Variants in NEDD4 observed in about 807,000 individuals in gnomAD.
NEDD4 encodes the protein NEDD4 E3 ubiquitin protein ligase, also known as E3 ubiquitin-protein ligase NEDD4.
Under a neutral mutation model 144.9 loss-of-function variants are expected in NEDD4, and 99 were observed. The ratio of observed to expected loss-of-function variants is 0.68; its 90% confidence interval spans 0.58 to 0.81. The LOEUF is 0.81. NEDD4 is among the 30% of genes least tolerant of loss of function. The pLI is 0.00. For missense variants in NEDD4, 985 were observed against 1,065.9 expected, an observed-to-expected ratio of 0.92 and a Z score of 1.06; for synonymous variants, 318 against 350.6, an observed-to-expected ratio of 0.91 and a Z score of 1.04.
In NEDD4 at chr15:55,852,464, T is replaced by C; in HGVS notation, c.1106A>G (p.His369Arg). 1 of 1,612,948 alleles carries C rather than the reference T, an allele frequency of 6.2e-7. No individual in the cohort carries two copies. The highest frequency in any genetic ancestry group is 8.5e-7 in the Non-Finnish European group (1 of 1,179,400). ...TGTCCAAGTAGTCGTTCTGGAATTGTGATCTACATAATATGATCTTCCTCT... is the reference window on the plus strand; with the variant it reads ...TGTCCAAGTAGTCGTTCTGGAATTGCGATCTACATAATATGATCTTCCTCT... ...DERGRSYYVD[H>R]NSRTTTWTKP... The change falls in exon 13 of 29, where the codon CAC becomes CGC. Residue 369 changes from histidine (H) to arginine (R), a missense_variant. Transcript: ENST00000435532.
At chr15:55,903,107 C>T (rs2035963398) in intron 5 of NEDD4, among the ~76,000 whole-genome samples, 1 of 152,096 alleles carries the variant, frequency 6.6e-6, no homozygotes, top group Non-Finnish European at 1.5e-5. Context: ...CAACAATGGC[C>T]ATAAGAAAAC....
At chr15:55,838,656 A>G in intron 21 of NEDD4, 52 bp from the exon 22 acceptor site, 1 of 1,275,060 alleles carries the variant, frequency 7.8e-7, no homozygotes, top group Admixed American at 1.8e-5. Context: ...CACACCTGAA[A>G]TTGCAAAAAA....
intron 4 of NEDD4, among the ~76,000 whole-genome samples, chr15:55,947,081 C>G (rs1244639345): frequency 6.6e-6 from 1 of 152,096 alleles, no homozygotes; most frequent in Non-Finnish European, 1.5e-5. Context: ...GACACCCTAA[C>G]ATCACAATTG....
intron 4 of NEDD4, among the ~76,000 whole-genome samples, chr15:55,937,167 C>G (rs2036909892): frequency 6.6e-6 from 1 of 152,100 alleles, no homozygotes; most frequent in Admixed American, 6.6e-5. Flanking sequence ...TTCACAAAAA[C>G]TTTTTTTGAA....
At chr15:55,842,625 G>A (rs1211845014) in intron 18 of NEDD4, among the ~76,000 whole-genome samples, 11 of 152,110 alleles carry the variant, frequency 7.2e-5, no homozygotes, top group East Asian at 1.9e-4. Context: ...CAATCCTCCC[G>A]CCTTGGCCTC....
In NEDD4 at chr15:55,829,771, T is replaced by C. The variant is rs915112696; in HGVS notation, c.*126A>G. 2 of 611,624 alleles carry C rather than the reference T, an allele frequency of 3.3e-6. No homozygotes were observed. The highest frequency in any genetic ancestry group is 6.4e-5 in the Admixed American group (2 of 31,100). 37.9% of individuals were successfully genotyped at this position (611,624 alleles called of 1,614,324 possible). On this transcript the variant is annotated 3_prime_UTR_variant, in exon 29 of 29. Transcript: ENST00000435532. ...GTACTATTTCTTCAAATGCTTTTTATATGATTTTCTTCAAGATCTGGGAAG... is the reference window on the plus strand; with the variant it reads ...GTACTATTTCTTCAAATGCTTTTTACATGATTTTCTTCAAGATCTGGGAAG...
chr15:55,918,768 ATT>A (rs1161343608), intron 5 of NEDD4, among the ~76,000 whole-genome samples: 1 of 152,154 alleles, frequency 6.6e-6, no homozygotes, highest in Non-Finnish European at 1.5e-5. Context: ...TTATTATGTT[ATT>A]TTTGCTTTTG....
intron 5 of NEDD4, 157 bp downstream of exon 5, chr15:55,924,488 GA>G (rs566394709): frequency 3.1e-4 from 191 of 616,604 alleles, no homozygotes; most frequent in Non-Finnish European, 3.8e-4. Flanking sequence ...GGACCAGGAG[GA>G]AGAAAACAAA....
intron 4 of NEDD4, among the ~76,000 whole-genome samples, chr15:55,942,362 CAAAATCTCATGTCA>C (rs1483216133): frequency 2.6e-5 from 4 of 152,076 alleles, no homozygotes; most frequent in African/African-American, 4.8e-5. Context: ...ATGTCTCTGC[CAAAATCTCATGTCA>C]AATTGTAATC....
rs187073210 is a variant in NEDD4 at position 55,979,402 on chromosome 15, G to A, written c.46-12856C>T. On this transcript the variant is annotated intron_variant, in intron 1 of 28. Transcript: ENST00000435532. ...CGCTCTGTCGCCCAGGCCGGACTGCGGACTGCAGTGGCGCAATCTCGGCTC... is the reference window on the plus strand; with the variant it reads ...CGCTCTGTCGCCCAGGCCGGACTGCAGACTGCAGTGGCGCAATCTCGGCTC... 9.4e-3 allele frequency among the ~76,000 whole-genome samples: 1,291 copies of A among 137,670 alleles called. 25 individuals carry two copies. The highest frequency in any genetic ancestry group is 0.033 in the African/African-American group (1,229 of 36,712). The allele number at this position is 137,670 out of a possible 152,430, so 90.3% of individuals were successfully genotyped here.
chr15:55,951,283 A>G (rs965484922), intron 4 of NEDD4, 93 bp downstream of exon 4: 3 of 591,048 alleles, frequency 5.1e-6, no homozygotes, highest in Non-Finnish European at 5.7e-6. Flanking sequence ...TCTGAGATAC[A>G]TCTTCAAATA....
chr15:55,916,732 A>C (rs1200810071), intron 5 of NEDD4: 1 of 1,613,940 alleles, frequency 6.2e-7, no homozygotes, highest in Non-Finnish European at 8.5e-7. Flanking sequence ...CTTTTGAAGC[A>C]CATGTGAACA....
intron 17 of NEDD4, among the ~76,000 whole-genome samples, chr15:55,847,242 T>C (rs755087896): frequency 3.9e-5 from 6 of 152,246 alleles, no homozygotes; most frequent in African/African-American, 1.4e-4. Context: ...CAGCAATTCC[T>C]ATGGCTGTAA....
intron 4 of NEDD4, among the ~76,000 whole-genome samples, chr15:55,942,235 T>C (rs2037021001): frequency 6.6e-6 from 1 of 152,218 alleles, no homozygotes; most frequent in Non-Finnish European, 1.5e-5. Context: ...TTTATAATCA[T>C]GAAATGCCCT....
chr15:55,931,303 G>T (rs1229315828), intron 4 of NEDD4, among the ~76,000 whole-genome samples: 1 of 152,104 alleles, frequency 6.6e-6, no homozygotes, highest in Non-Finnish European at 1.5e-5. Context: ...GTAACAAACA[G>T]AAACAGTTAA....
At chr15:55,948,510 A>C (rs2037168158) in intron 4 of NEDD4, among the ~76,000 whole-genome samples, 2 of 152,222 alleles carry the variant, frequency 1.3e-5, no homozygotes, top group Non-Finnish European at 2.9e-5. Flanking sequence ...ATCCTAAGCA[A>C]AAAGAACAAA....
chr15:55,979,912 T>C (rs1422734313), intron 1 of NEDD4, among the ~76,000 whole-genome samples: 10 of 149,694 alleles, frequency 6.7e-5, no homozygotes, highest in Non-Finnish European at 3.0e-5. Context: ...TAATTATAAT[T>C]ATTACTTTTT....
intron 5 of NEDD4, among the ~76,000 whole-genome samples, chr15:55,898,369 C>T (rs2035803850): frequency 6.6e-6 from 1 of 152,148 alleles, no homozygotes; most frequent in Non-Finnish European, 1.5e-5. Context: ...TTAAACAACA[C>T]TAGCATTAGT....
rs528237416 is a variant in NEDD4 at position 55,964,999 on chromosome 15, T to C, written c.119+1474A>G. 9.2e-5 allele frequency among the ~76,000 whole-genome samples: 14 copies of C among 152,194 alleles called. No individual in the cohort carries two copies. The East Asian group carries it at 2.7e-3, about 29-fold the overall frequency. On this transcript the variant is annotated intron_variant, in intron 2 of 28. Transcript: ENST00000435532. ...ATTTCTTTGTGTACGCTAGGTCCCC[T>C]TCCCGTTTCTGTCATGACTTGAAGC...
Sources: allele counts gnomAD v4.1 joint callset (sites outside exome capture counted in the v4.1 genomes callset), GRCh38; gene constraint gnomAD v4.1.1; transcripts MANE v1.5; gene names NCBI Gene and HGNC (gene_info 2026-07-23, HGNC 2026-07-21).